Variants in MASP2 observed in about 807,000 individuals in gnomAD.
The protein encoded by MASP2 is mannan-binding lectin serine protease 2.
MASP2 carries 49 observed loss-of-function variants against 57.1 expected under a neutral mutation model. The ratio of observed to expected loss-of-function variants is 0.86; its 90% CI spans 0.68 to 1.09. The LOEUF is 1.09. MASP2 is among the 50% of genes least tolerant of loss of function. MASP2 has a pLI of 0.00. For missense variants in MASP2, 900 were observed against 874.8 expected (o/e 1.03, Z -0.36); for synonymous variants, 379 against 340.8 (o/e 1.11, Z -1.24).
chr1:11,031,326 A>G (rs920120863), intron 8 of MASP2, among the ~76,000 whole-genome samples: 16 of 151,918 alleles, frequency 1.1e-4, no homozygotes, highest in African/African-American at 2.9e-4. Flanking sequence ...GATGGAGACC[A>G]TCCTGGCTAA....
chr1:11,034,774 C>A, intron 8 of MASP2, 54 bp downstream of exon 8: 1 of 1,137,362 alleles, frequency 8.8e-7, no homozygotes, highest in South Asian at 1.5e-5. Flanking sequence ...GCAACAGTAG[C>A]AGCAGAGGGA....
chr1:11,043,086 G>A lies in MASP2; in HGVS notation c.742-64C>T, dbSNP rs1055518042. On this transcript the variant is annotated intron_variant, in intron 5 of 10. Coordinates refer to ENST00000400897, the MANE Select transcript of MASP2 (RefSeq NM_006610.4). ...TGGGTCTGGCCTGGGCCGGAGGGAAGTAACCCACCTCCTCAGCATTTCAGG... is the reference window on the plus strand; with the variant it reads ...TGGGTCTGGCCTGGGCCGGAGGGAAATAACCCACCTCCTCAGCATTTCAGG... The A allele has an allele frequency of 2.6e-6, 4 of 1,553,008 alleles. No individual in the cohort carries two copies. The African/African-American group carries it at 4.1e-5, about 16-fold the overall frequency.
intron 7 of MASP2, among the ~76,000 whole-genome samples, 182 bp from the exon 8 acceptor site, chr1:11,035,088 A>C (rs1160412569): frequency 1.3e-5 from 2 of 152,174 alleles, no homozygotes; most frequent in Non-Finnish European, 2.9e-5. Flanking sequence ...ACATGGACGC[A>C]CTGCCCCACC....
At chr1:11,039,527 A>G (rs1184537279) in intron 6 of MASP2, among the ~76,000 whole-genome samples, 3 of 143,004 alleles carry the variant, frequency 2.1e-5, no homozygotes, top group Non-Finnish European at 4.5e-5. Flanking sequence ...GGATGAATGG[A>G]TGGATGGGTG....
At chr1:11,027,945 C>T (rs769206508) in intron 10 of MASP2, among the ~76,000 whole-genome samples, 30 of 152,126 alleles carry the variant, frequency 2.0e-4, no homozygotes, top group Non-Finnish European at 3.5e-4. Flanking sequence ...GAAAATTGGC[C>T]GGGTGCAGTG....
chr1:11,027,075 C>G lies in MASP2; in HGVS notation c.1871G>C (p.Gly624Ala). 1 of 1,594,738 alleles carries G rather than the reference C, an allele frequency of 6.3e-7. No individual in the cohort carries two copies. The highest frequency in any genetic ancestry group is 1.3e-5 in the African/African-American group (1 of 74,494). ...GTCACCTCTGCAGCTGTCCTTGCCC[C>G]CACTTTCTAAGCCAGCACAAAGCAT... ...ANMLCAGLES[G>A]GKDSCRGDSG... The change falls in exon 11 of 11, where the codon GGG becomes GCG. Residue 624 changes from glycine (G) to alanine (A), a missense_variant. By Grantham distance (60) the Gly-to-Ala change is moderately conservative (BLOSUM62 0). Coordinates refer to ENST00000400897, the MANE Select transcript of MASP2 (RefSeq NM_006610.4).
At chr1:11,030,122 A>G (rs907791760) in intron 10 of MASP2, 54 bp downstream of exon 10, 14 of 1,333,446 alleles carry the variant, frequency 1.0e-5, no homozygotes, top group Non-Finnish European at 8.6e-6. Context: ...ACTGTCTCCT[A>G]CCCAGTCCTC....
chr1:11,031,423 G>A (rs575489854), intron 8 of MASP2, among the ~76,000 whole-genome samples: 1 of 151,128 alleles, frequency 6.6e-6, no homozygotes, highest in South Asian at 2.1e-4. Flanking sequence ...CAGCTACTCG[G>A]GAGGCTGAGG....
intron 4 of MASP2, 71 bp from the exon 5 acceptor site, chr1:11,043,606 A>C: frequency 9.4e-7 from 1 of 1,067,126 alleles, no homozygotes. Context: ...AGCAGGGTGG[A>C]TGCCTTGGGG....
chr1:11,040,362 T>G (rs1001630495), intron 6 of MASP2, among the ~76,000 whole-genome samples: 6 of 117,978 alleles, frequency 5.1e-5, no homozygotes, highest in Admixed American at 1.9e-4. Context: ...TCAGCTATTC[T>G]AGAGGCTGAG....
rs36074066 is a variant in MASP2 at position 11,032,608 on chromosome 1, C to CA, written c.1088-1727dup. Among the ~76,000 whole-genome samples, 1,034 of 105,990 alleles carry CA rather than the reference C, an allele frequency of 9.8e-3. 11 individuals carry two copies. Among genetic ancestry groups the CA allele is most frequent in the Admixed American group, 0.014 (130 of 9,484 alleles). 69.5% of individuals were successfully genotyped at this position (105,990 alleles called of 152,430 possible). A position where few individuals can be genotyped will look rare whatever the true frequency, so the allele number is the denominator to read the frequency against. ...CCTGGGTGACAGAATGAGACCCCGT[C>CA]AAAAAAAAAAAAAAAAGTGGCTGGT... On this transcript the variant is annotated intron_variant, in intron 8 of 10. Coordinates refer to ENST00000400897, the MANE Select transcript of MASP2 (RefSeq NM_006610.4).
chr1:11,045,504 G>C lies in MASP2; in HGVS notation c.448C>G (p.Pro150Ala), dbSNP rs199940649. 9.9e-4 allele frequency: 1,591 copies of C among 1,610,218 alleles called. 14 individuals carry two copies. Among genetic ancestry groups the C allele is most frequent in the Middle Eastern group, 5.0e-4 (3 of 5,954 alleles). The change falls in exon 4 of 11, where the codon CCC (proline) becomes GCC (alanine). Residue 150 changes from proline to alanine, a missense_variant. Transcript: ENST00000400897. ...TTGTGGCAGTGGTGGTCGCAGGTGG[G>C]CGCCTCTCCCGGGGCCACCTGGCAC... ...DECQVAPGEAPTCDHHCHNHL... is the reference protein window; with the variant it reads ...DECQVAPGEAATCDHHCHNHL...
Position 11,046,943 on chromosome 1 carries a change from A to C in MASP2, c.182T>G (p.Phe61Cys). Residue 61 changes from phenylalanine to cysteine, a missense_variant, in exon 2 of 11, where the codon TTC becomes TGC. Transcript: ENST00000400897. ...APPGYRLRLY[F>C]THFDLELSHL... is the part of the protein sequence containing the mutation. Reference sequence around the variant, plus strand: ...GGAGAGCTCCAGGTCGAAGTGGGTGAAGTAGAGGCGCAGGCGGTAGCCGGG... The same window carrying C: ...GGAGAGCTCCAGGTCGAAGTGGGTGCAGTAGAGGCGCAGGCGGTAGCCGGG... The C allele has an allele frequency of 1.3e-6, 2 of 1,571,504 alleles. No homozygotes were observed. Among genetic ancestry groups the C allele is most frequent in the African/African-American group, 2.7e-5 (2 of 74,120 alleles).
chr1:11,037,094 C>A (rs987095663), intron 7 of MASP2, among the ~76,000 whole-genome samples: 1 of 152,010 alleles, frequency 6.6e-6, no homozygotes, highest in African/African-American at 2.4e-5. Context: ...GCTCTGTCAC[C>A]CAGGCTGGAG....
Position 11,027,628 on chromosome 1 carries a change from T to C in MASP2, c.1318A>G (p.Thr440Ala). ...CEPVCGLSAR[T>A]TGGRIYGGQK... ...CCTCCATATATACGCCCTCCTGTTG[T>C]GCGGGCTGATAGTCCACAAACTGGA... is the stretch of plus-strand genomic sequence containing the variant. Residue 440 changes from threonine (T) to alanine (A), a missense_variant, in exon 11 of 11, where the codon ACA (threonine) becomes GCA (alanine). Transcript: ENST00000400897. The C allele has an allele frequency of 6.2e-7, 1 of 1,611,024 alleles. No homozygotes were observed. The highest frequency in any genetic ancestry group is 1.1e-5 in the South Asian group (1 of 90,746).
At chr1:11,046,489 C>T (rs529621480) in intron 3 of MASP2, 67 bp downstream of exon 3, 80 of 1,582,420 alleles carry the variant, frequency 5.1e-5, no homozygotes, top group Non-Finnish European at 6.7e-5. Context: ...GCTGCCTGGC[C>T]TAAGACAGAG....
At chr1:11,038,287 A>T (rs1394799380) in intron 6 of MASP2, among the ~76,000 whole-genome samples, 3 of 152,184 alleles carry the variant, frequency 2.0e-5, no homozygotes, top group Admixed American at 2.0e-4. Context: ...GTTGACGATA[A>T]TAGTTGCCCC....
At chr1:11,044,761 T>TCCCC in intron 4 of MASP2, 7 of 1,313,600 alleles carry the variant, frequency 5.3e-6, no homozygotes, top group Non-Finnish European at 5.1e-6. Flanking sequence ...CCCCGCCGCC[T>TCCCC]CCCGACCCTC....
chr1:11,046,767 A>G, intron 2 of MASP2, 34 bp from the exon 3 acceptor site: 1 of 1,600,314 alleles, frequency 6.2e-7, no homozygotes, highest in Non-Finnish European at 8.5e-7. Context: ...AGTGAAGGCA[A>G]GACCCAGGCC....
Sources: allele counts gnomAD v4.1 joint callset (sites outside exome capture counted in the v4.1 genomes callset), GRCh38; gene constraint gnomAD v4.1.1; transcripts MANE v1.5; gene names NCBI Gene and HGNC (gene_info 2026-07-23, HGNC 2026-07-21).